SMG7: variants seen among roughly 807,000 people sequenced by gnomAD.
SMG7 encodes the protein nonsense-mediated mRNA decay factor SMG7.
Under a neutral mutation model 148.2 loss-of-function variants are expected in SMG7, and 34 were observed. The ratio of observed to expected loss-of-function variants is 0.23; its 90% confidence interval spans 0.17 to 0.31. The LOEUF is 0.31. Among genes scored for constraint, SMG7 ranks in the 10% least tolerant of loss-of-function variants. The pLI, the probability that SMG7 is intolerant of heterozygous loss-of-function variation, is 1.00. For synonymous variants in SMG7, 492 were observed against 515.1 expected (o/e 0.96, Z 0.61); for missense variants, 1,114 against 1,408.4 (o/e 0.79, Z 3.35).
intron 14 of SMG7, 31 bp downstream of exon 14, chr1:183,542,533 G>A: frequency 3.8e-6 from 6 of 1,564,888 alleles, no homozygotes; most frequent in Admixed American, 1.9e-5. Flanking sequence ...AAAGCAGGTA[G>A]AGGAAGGCTC....
At chr1:183,507,067 C>T (rs1170004731) in intron 1 of SMG7, among the ~76,000 whole-genome samples, 5 of 151,688 alleles carry the variant, frequency 3.3e-5, no homozygotes, top group Admixed American at 2.6e-4. Flanking sequence ...TTAGTAGAGA[C>T]GAGGCTTCGC....
intron 1 of SMG7, among the ~76,000 whole-genome samples, chr1:183,499,986 G>C (rs1461803352): frequency 1.3e-5 from 2 of 152,080 alleles, no homozygotes; most frequent in African/African-American, 2.4e-5. Flanking sequence ...ATTATTTCAA[G>C]AAGGTACAGG....
Position 183,515,837 on chromosome 1 carries a change from A to G in SMG7, c.62-37A>G, listed in dbSNP as rs775862236. On this transcript the variant is annotated intron_variant, in intron 2 of 22. Transcript: ENST00000688051. ...ATAATGGTTTTAACTGCTGGGGTTT[A>G]TCTATCTACCGTTATGTTTTTGTTT... 39 of 1,349,378 alleles carry G rather than the reference A, an allele frequency of 2.9e-5. No individual in the cohort carries two copies. The Admixed American group carries it at 5.6e-4, about 19-fold the overall frequency. The allele number at this position is 1,349,378 out of a possible 1,614,324, so 83.6% of individuals were successfully genotyped here.
chr1:183,519,204 C>T (rs978831896), intron 4 of SMG7, among the ~76,000 whole-genome samples: 1 of 152,070 alleles, frequency 6.6e-6, no homozygotes, highest in Admixed American at 6.6e-5. Flanking sequence ...AAAAAAGAAT[C>T]CCTGTGTTGG....
rs1470121548 is a variant in SMG7, at chr1:183,520,421, A to G, written c.312+2601A>G. On this transcript the variant is annotated intron_variant, in intron 4 of 22. Coordinates refer to ENST00000688051, the MANE Select transcript of SMG7 (RefSeq NM_001375584.1). Reference sequence around the variant, plus strand: ...TGCTCTGTTGGATTCCCAGATTCCCATCATTTCTTGGACAGATTCTATAAC... The same window carrying G: ...TGCTCTGTTGGATTCCCAGATTCCCGTCATTTCTTGGACAGATTCTATAAC... 3.9e-5 allele frequency among the ~76,000 whole-genome samples: 6 copies of G among 152,142 alleles called. No individual in the cohort carries two copies. In the East Asian group the frequency reaches 5.8e-4, roughly 15 times the overall value.
chr1:183,510,625 A>G (rs977346807), intron 1 of SMG7, among the ~76,000 whole-genome samples: 3 of 152,134 alleles, frequency 2.0e-5, no homozygotes, highest in South Asian at 2.1e-4. Context: ...AAAGATGTAA[A>G]TATCTTTTAA....
At position 183,547,053 on chromosome 1, in the gene SMG7, T is replaced by C. The variant is rs564116902; in HGVS notation, c.2743-50T>C. Reference sequence around the variant, plus strand: ...ACCTAATTATGCTACTATTCCTTTATGCTTTTGTTATCCCTTATTGCTTCT... The same window carrying C: ...ACCTAATTATGCTACTATTCCTTTACGCTTTTGTTATCCCTTATTGCTTCT... On this transcript the variant is annotated intron_variant, in intron 17 of 22. Coordinates refer to ENST00000688051, the MANE Select transcript of SMG7 (RefSeq NM_001375584.1). 5.6e-5 allele frequency: 85 copies of C among 1,513,050 alleles called. 1 individual carries two copies. The South Asian group carries it at 5.6e-4, about 10-fold the overall frequency. 93.7% of individuals were successfully genotyped at this position (1,513,050 alleles called of 1,614,324 possible). A position where few individuals can be genotyped will look rare whatever the true frequency, so the allele number is the denominator to read the frequency against.
At chr1:183,487,194 G>T (rs1263750400) in intron 1 of SMG7, among the ~76,000 whole-genome samples, 4 of 152,108 alleles carry the variant, frequency 2.6e-5, no homozygotes, top group Non-Finnish European at 5.9e-5. Context: ...ATTCCTTCTA[G>T]AGTGTCTAGG....
chr1:183,536,758 C>G (rs547543224), intron 10 of SMG7, among the ~76,000 whole-genome samples: 1 of 152,284 alleles, frequency 6.6e-6, no homozygotes, highest in South Asian at 2.1e-4. Flanking sequence ...AAAGAACTAA[C>G]AGCGGCTTCC....
intron 1 of SMG7, among the ~76,000 whole-genome samples, chr1:183,512,584 C>T (rs1033641634): frequency 1.2e-4 from 18 of 152,066 alleles, no homozygotes; most frequent in African/African-American, 4.3e-4. Flanking sequence ...AGAAAGTGGA[C>T]TCTACTTAGC....
rs1303386775 is a variant in SMG7, at chr1:183,550,655, G to C, written c.3134-96G>C. 5 of 1,217,070 alleles carry C rather than the reference G, an allele frequency of 4.1e-6. 1 individual carries two copies. In the Admixed American group the frequency reaches 7.8e-5, roughly 19 times the overall value. The allele number at this position is 1,217,070 out of a possible 1,614,324, so 75.4% of individuals were successfully genotyped here. On this transcript the variant is annotated intron_variant, in intron 20 of 22. Coordinates refer to ENST00000688051, the MANE Select transcript of SMG7 (RefSeq NM_001375584.1). ...CTTCAAAGCCCTGTGGTTATTGTTAGTAGAATTTTAGTGATCAGATCTACA... is the reference window on the plus strand; with the variant it reads ...CTTCAAAGCCCTGTGGTTATTGTTACTAGAATTTTAGTGATCAGATCTACA...
chr1:183,551,310 A>G (rs1376625146), intron 22 of SMG7, 120 bp downstream of exon 22: 6 of 912,782 alleles, frequency 6.6e-6, no homozygotes, highest in Non-Finnish European at 9.6e-6. Flanking sequence ...TAGCACATAT[A>G]TAACAAAGTC....
intron 1 of SMG7, among the ~76,000 whole-genome samples, chr1:183,486,636 C>G (rs1042101253): frequency 1.3e-5 from 2 of 151,422 alleles, no homozygotes; most frequent in East Asian, 3.9e-4. Context: ...GTCTCGAACT[C>G]CTGACCTCGT....
chr1:183,473,310 G>A (rs1161195154), intron 1 of SMG7, among the ~76,000 whole-genome samples: 2 of 152,100 alleles, frequency 1.3e-5, no homozygotes, highest in African/African-American at 4.8e-5. Flanking sequence ...GAAGAAACTG[G>A]GTTAGAATCA....
intron 1 of SMG7, among the ~76,000 whole-genome samples, chr1:183,484,360 A>AAT (rs1553232667): frequency 6.9e-5 from 10 of 144,966 alleles, no homozygotes; most frequent in Non-Finnish European, 1.4e-4. Flanking sequence ...CTGAAAAAAA[A>AAT]TTTTTTTTTT....
intron 1 of SMG7, among the ~76,000 whole-genome samples, chr1:183,506,911 C>T (rs188522902): frequency 9.1e-4 from 125 of 136,856 alleles, no homozygotes; most frequent in African/African-American, 2.6e-3. Context: ...CGGAGTCTCA[C>T]TCTGTCACCT....
chr1:183,532,450 C>T (rs1257728432), intron 8 of SMG7, among the ~76,000 whole-genome samples: 1 of 152,154 alleles, frequency 6.6e-6, no homozygotes. Flanking sequence ...CTGAGAGCAT[C>T]TGGGTGATTT....
At chr1:183,525,816 G>A in intron 4 of SMG7, among the ~76,000 whole-genome samples, 1 of 152,112 alleles carries the variant, frequency 6.6e-6, no homozygotes, top group Non-Finnish European at 1.5e-5. Context: ...GGTGAGATTC[G>A]TTGTATATGC....
chr1:183,490,466 T>C (rs1656667662), intron 1 of SMG7, among the ~76,000 whole-genome samples: 1 of 152,230 alleles, frequency 6.6e-6, no homozygotes, highest in South Asian at 2.1e-4. Context: ...TATTTTAAAA[T>C]TGGCTTATAG....
Sources: gnomAD v4.1 joint callset for allele counts (sites outside exome capture counted in the v4.1 genomes callset) on GRCh38, gnomAD v4.1.1 for gene constraint, MANE v1.5 for transcripts, NCBI Gene and HGNC (gene_info 2026-07-23, HGNC 2026-07-21) for gene names.